GDAP2: variants seen among roughly 807,000 people sequenced by gnomAD.
GDAP2 encodes the protein ganglioside induced differentiation associated protein 2.
In GDAP2, 51 loss-of-function variants were observed where a neutral mutation model predicts 67.0. That is an observed-to-expected ratio of 0.76 (90% CI 0.61 to 0.96). The LOEUF (loss-of-function observed/expected upper bound fraction) is 0.96. GDAP2 is among the 40% of genes least tolerant of loss of function. GDAP2 has a pLI of 0.00. For synonymous variants in GDAP2, 203 were observed against 207.3 expected, an observed-to-expected ratio of 0.98 and a Z score of 0.18; for missense variants, 547 against 588.3, an observed-to-expected ratio of 0.93 and a Z score of 0.73.
At chr1:117,894,064 A>G (rs1465136539) in intron 8 of GDAP2, among the ~76,000 whole-genome samples, 1 of 152,154 alleles carries the variant, frequency 6.6e-6, no homozygotes, top group Non-Finnish European at 1.5e-5. Context: ...GTAATATCAC[A>G]TAGTGAGTGG....
In GDAP2 at chr1:117,916,419, G is replaced by A. The variant is rs185877060; in HGVS notation, c.316+2178C>T. On this transcript the variant is annotated intron_variant, in intron 3 of 13. Coordinates refer to ENST00000369443, the MANE Select transcript of GDAP2 (RefSeq NM_017686.4). ...AGTGAGTAAGATCTTGCAAGGACATGGGGATCAGTTTAAGGAGTTTAGAAT... is the reference window on the plus strand; with the variant it reads ...AGTGAGTAAGATCTTGCAAGGACATAGGGATCAGTTTAAGGAGTTTAGAAT... Among the ~76,000 whole-genome samples, 389 of 152,254 alleles carry A rather than the reference G, an allele frequency of 2.6e-3. 2 individuals carry two copies. The highest frequency in any genetic ancestry group is 8.9e-3 in the African/African-American group (369 of 41,554).
chr1:117,905,446 C>T (rs1273084221), intron 6 of GDAP2, among the ~76,000 whole-genome samples: 4 of 152,116 alleles, frequency 2.6e-5, no homozygotes, highest in East Asian at 1.9e-4. Context: ...CTCTCTCCCT[C>T]GGCAAATCTT....
At chr1:117,914,184 A>G (rs1420316723) in intron 3 of GDAP2, among the ~76,000 whole-genome samples, 1 of 152,218 alleles carries the variant, frequency 6.6e-6, no homozygotes, top group East Asian at 1.9e-4. Context: ...AGAAAGTGAG[A>G]AAAGCCTCTA....
At chr1:117,900,721 C>T (rs1215056837) in intron 6 of GDAP2, among the ~76,000 whole-genome samples, 4 of 147,494 alleles carry the variant, frequency 2.7e-5, no homozygotes, top group Non-Finnish European at 6.0e-5. Context: ...AGCGAGATTG[C>T]GCCACTGCAC....
intron 1 of GDAP2, among the ~76,000 whole-genome samples, chr1:117,927,881 T>C (rs1328250796): frequency 6.6e-6 from 1 of 152,192 alleles, no homozygotes. Flanking sequence ...GCACTATGTT[T>C]TAATTGTAAA....
chr1:117,877,941 G>C (rs768460682), intron 13 of GDAP2, 68 bp downstream of exon 13: 4 of 1,543,404 alleles, frequency 2.6e-6, no homozygotes, highest in Admixed American at 1.9e-5. Flanking sequence ...TGTTGTGCTC[G>C]TAAGTGCTGC....
chr1:117,903,040 G>A (rs1649537343), intron 6 of GDAP2, among the ~76,000 whole-genome samples: 1 of 152,024 alleles, frequency 6.6e-6, no homozygotes, highest in Non-Finnish European at 1.5e-5. Context: ...AAGTAGAACT[G>A]TTTTCTTAAT....
chr1:117,879,799 G>A (rs1648588624), intron 12 of GDAP2, among the ~76,000 whole-genome samples: 1 of 152,072 alleles, frequency 6.6e-6, no homozygotes, highest in East Asian at 1.9e-4. Flanking sequence ...CATATATTTT[G>A]GAGGGTCACT....
At chr1:117,916,014 T>C (rs1013722053) in intron 3 of GDAP2, among the ~76,000 whole-genome samples, 1 of 152,204 alleles carries the variant, frequency 6.6e-6, no homozygotes, top group Non-Finnish European at 1.5e-5. Flanking sequence ...ATGTTAGTAA[T>C]TTTCTATTAG....
intron 11 of GDAP2, 54 bp from the exon 12 acceptor site, chr1:117,881,931 C>T (rs576945790): frequency 1.1e-5 from 10 of 904,398 alleles, no homozygotes; most frequent in South Asian, 1.0e-4. Flanking sequence ...TGCCTAAAAC[C>T]AATTACTATT....
intron 2 of GDAP2, among the ~76,000 whole-genome samples, chr1:117,918,982 A>G (rs1215627238): frequency 6.6e-6 from 1 of 152,220 alleles, no homozygotes; most frequent in African/African-American, 2.4e-5. Flanking sequence ...AGCATTACTT[A>G]TTATGGCCAG....
chr1:117,917,025 C>A (rs1346260053), intron 3 of GDAP2, among the ~76,000 whole-genome samples: 1 of 149,160 alleles, frequency 6.7e-6, no homozygotes. Flanking sequence ...CAGAGCAAGA[C>A]TCTGTCTCAG....
intron 5 of GDAP2, 29 bp downstream of exon 5, chr1:117,911,965 T>G: frequency 7.9e-7 from 1 of 1,273,082 alleles, no homozygotes; most frequent in Non-Finnish European, 1.1e-6. Flanking sequence ...AAGATTCAAT[T>G]CATGTACAGC....
Position 117,865,876 on chromosome 1 carries a change from A to G in GDAP2, c.*4693T>C, listed in dbSNP as rs1648038623. On this transcript the variant is annotated 3_prime_UTR_variant, in exon 14 of 14. Transcript: ENST00000369443. ...CCATCTGTTTAAGGACTAGTTCAGTAAGACTCAAAGATTGAACTAGGTTAT... is the reference window on the plus strand; with the variant it reads ...CCATCTGTTTAAGGACTAGTTCAGTGAGACTCAAAGATTGAACTAGGTTAT... The G allele has an allele frequency of 6.6e-6, 1 of 152,248 alleles. No individual in the cohort carries two copies. Among genetic ancestry groups the G allele is most frequent in the South Asian group, 2.1e-4 (1 of 4,838 alleles). The allele number at this position is 152,248 out of a possible 1,614,324, so 9.4% of individuals were successfully genotyped here.
intron 1 of GDAP2, among the ~76,000 whole-genome samples, chr1:117,921,068 G>A (rs1408441471): frequency 2.0e-5 from 3 of 152,274 alleles, no homozygotes; most frequent in South Asian, 4.2e-4. Context: ...GACACACAGC[G>A]TCAAGTACTA....
intron 6 of GDAP2, among the ~76,000 whole-genome samples, chr1:117,904,110 C>T (rs557013311): frequency 6.6e-6 from 1 of 152,094 alleles, no homozygotes; most frequent in Non-Finnish European, 1.5e-5. Context: ...TCTCAGCCTC[C>T]CTAGTAGCTG....
intron 1 of GDAP2, among the ~76,000 whole-genome samples, chr1:117,928,229 T>A (rs1028931568): frequency 6.6e-6 from 1 of 152,208 alleles, no homozygotes; most frequent in Non-Finnish European, 1.5e-5. Flanking sequence ...GAAATAAATG[T>A]GCAAAAGGAG....
intron 3 of GDAP2, among the ~76,000 whole-genome samples, chr1:117,917,265 T>C (rs1650081794): frequency 6.6e-6 from 1 of 152,184 alleles, no homozygotes; most frequent in Admixed American, 6.5e-5. Flanking sequence ...TTCTATCATC[T>C]AGAAATTTGG....
chr1:117,912,166 G>T, intron 4 of GDAP2, 84 bp from the exon 5 acceptor site: 1 of 814,870 alleles, frequency 1.2e-6, no homozygotes, highest in Admixed American at 1.9e-5. Flanking sequence ...TCAAAATCTA[G>T]CTCAACTTCT....
Sources: gnomAD v4.1 joint callset for allele counts (sites outside exome capture counted in the v4.1 genomes callset) on GRCh38, gnomAD v4.1.1 for gene constraint, MANE v1.5 for transcripts, NCBI Gene and HGNC (gene_info 2026-07-23, HGNC 2026-07-21) for gene names.